The following SUSD4 variants were observed in gnomAD, a reference collection of about 807,000 sequenced individuals.
SUSD4 encodes the protein sushi domain-containing protein 4.
Under a neutral mutation model 50.5 loss-of-function variants are expected in SUSD4, and 41 were observed. That is an observed-to-expected ratio of 0.81 (90% CI 0.63 to 1.05). SUSD4 has a LOEUF of 1.05. SUSD4 is among the 50% of genes least tolerant of loss of function. SUSD4 has a pLI of 0.00. For missense variants in SUSD4, 580 were observed against 634.7 expected, an observed-to-expected ratio of 0.91 and a Z score of 0.93; for synonymous variants, 257 against 257.3, an observed-to-expected ratio of 1.00 and a Z score of 0.01.
Position 223,229,435 on chromosome 1 carries a change from T to A in SUSD4, c.725-47A>T, listed in dbSNP as rs376942555. ...AAAGTTTCAGAACCACAAGCTCACC[T>A]TTGTCTGAAGCCCCTAAGACGAAGA... On this transcript the variant is annotated intron_variant, in intron 5 of 8. Coordinates refer to ENST00000366878, the MANE Select transcript of SUSD4 (RefSeq NM_017982.4). This position sits in a 1 kb window ranked among gnomAD's most constrained non-coding sequence, Gnocchi z 4.7. 108 of 1,536,926 alleles carry A rather than the reference T, an allele frequency of 7.0e-5. No homozygotes were observed. The highest frequency in any genetic ancestry group is 9.5e-5 in the Non-Finnish European group (107 of 1,127,954).
chr1:223,292,376 C>A, intron 3 of SUSD4, 63 bp downstream of exon 3: 1 of 1,570,014 alleles, frequency 6.4e-7, no homozygotes, highest in South Asian at 1.1e-5. Flanking sequence ...CACAGCCCTG[C>A]ACCCCTGTGG....
intron 2 of SUSD4, among the ~76,000 whole-genome samples, chr1:223,305,349 T>A (rs1665470852): frequency 6.6e-6 from 1 of 152,090 alleles, no homozygotes; most frequent in South Asian, 2.1e-4. Flanking sequence ...CCCATGAGAC[T>A]AAGCAAAAGC....
At chr1:223,302,855 C>G (rs983112587) in intron 2 of SUSD4, among the ~76,000 whole-genome samples, 3 of 152,164 alleles carry the variant, frequency 2.0e-5, no homozygotes, top group African/African-American at 7.2e-5. Flanking sequence ...TACAGACACA[C>G]TGTGAAAATT....
At chr1:223,276,217 G>C (rs1194001053) in intron 3 of SUSD4, among the ~76,000 whole-genome samples, 1 of 152,192 alleles carries the variant, frequency 6.6e-6, no homozygotes, top group African/African-American at 2.4e-5. Flanking sequence ...TGGTGTTCAG[G>C]GTTGCTAACA....
intron 7 of SUSD4, among the ~76,000 whole-genome samples, chr1:223,224,605 C>T (rs1446647660): frequency 6.6e-6 from 1 of 152,226 alleles, no homozygotes; most frequent in Non-Finnish European, 1.5e-5. Context: ...AAGCAAGGCC[C>T]GGGTTGCTGG....
chr1:223,243,943 T>C (rs375112112), intron 5 of SUSD4, among the ~76,000 whole-genome samples: 1 of 152,272 alleles, frequency 6.6e-6, no homozygotes, highest in East Asian at 1.9e-4. Flanking sequence ...ATAGTAATTA[T>C]GTTCTTTCAC....
intron 2 of SUSD4, among the ~76,000 whole-genome samples, chr1:223,317,824 G>A (rs1666294811): frequency 7.6e-6 from 1 of 131,324 alleles, no homozygotes; most frequent in Admixed American, 7.9e-5. Context: ...GCTCGTCAAT[G>A]CTTGCCCTTC....
upstream of SUSD4, among the ~76,000 whole-genome samples, chr1:223,364,354 T>TGAGTGGGGGGGC (rs1558288955): frequency 5.3e-4 from 14 of 26,220 alleles, no homozygotes; most frequent in African/African-American, 2.0e-3. The surrounding 1 kb of genome is among the most constrained non-coding windows in gnomAD (Gnocchi z 4.5). Flanking sequence ...AGGGAGTGGG[T>TGAGTGGGGGGGC]GGGGACGGGG....
intron 3 of SUSD4, among the ~76,000 whole-genome samples, chr1:223,282,612 A>C (rs1663827235): frequency 6.6e-6 from 1 of 152,240 alleles, no homozygotes; most frequent in South Asian, 2.1e-4. Context: ...GTGGAAGAAC[A>C]TTCTATGCTC....
intron 2 of SUSD4, among the ~76,000 whole-genome samples, chr1:223,355,438 T>C (rs1668608642): frequency 2.6e-5 from 4 of 152,002 alleles, no homozygotes; most frequent in Admixed American, 2.6e-4. Flanking sequence ...AGGCTGGTCT[T>C]GAACTCCTGG....
intron 2 of SUSD4, among the ~76,000 whole-genome samples, chr1:223,346,298 C>T (rs1348310757): frequency 6.6e-6 from 1 of 152,010 alleles, no homozygotes; most frequent in Non-Finnish European, 1.5e-5. Flanking sequence ...AGTGGCTCGT[C>T]GATGGCCTCC....
chr1:223,270,014 A>T (rs575404243), intron 3 of SUSD4, among the ~76,000 whole-genome samples: 1 of 152,248 alleles, frequency 6.6e-6, no homozygotes, highest in Admixed American at 6.5e-5. Flanking sequence ...GGGCACATCC[A>T]GGAGCTAGGA....
At chr1:223,234,783 T>G in intron 5 of SUSD4, 1 of 811,728 alleles carries the variant, frequency 1.2e-6, no homozygotes, top group South Asian at 3.5e-5. Context: ...CAGTCCCACC[T>G]CTGAGATACA....
chr1:223,243,069 C>T (rs750802454), intron 5 of SUSD4, among the ~76,000 whole-genome samples: 1 of 152,092 alleles, frequency 6.6e-6, no homozygotes, highest in Non-Finnish European at 1.5e-5. Flanking sequence ...TGGCCAGATG[C>T]TCCCCATGAT....
chr1:223,264,745 C>G lies in SUSD4; in HGVS notation c.609G>C (p.Gly203=). Residue 203 remains glycine, a synonymous_variant, in exon 5 of 9, where the codon GGG becomes GGC. Coordinates refer to ENST00000366878, the MANE Select transcript of SUSD4 (RefSeq NM_017982.4). ...ISELQTSFPV[G]TVISYRCFPG... ...GAAAGCAGCGATAGGAGATCACAGT[C>G]CCCACCGGGAAGGAGGTCTGGAGCT... The G allele has an allele frequency of 6.2e-7, 1 of 1,614,178 alleles. No individual in the cohort carries two copies. Among genetic ancestry groups the G allele is most frequent in the Non-Finnish European group, 8.5e-7 (1 of 1,180,024 alleles).
At chr1:223,242,485 C>A (rs1363816232) in intron 5 of SUSD4, among the ~76,000 whole-genome samples, 2 of 152,288 alleles carry the variant, frequency 1.3e-5, no homozygotes, top group East Asian at 1.9e-4. Context: ...ACTGCCCCAC[C>A]CTTGCCATGC....
In SUSD4 at chr1:223,292,576, A is replaced by G; in HGVS notation, c.224T>C (p.Phe75Ser). ...AAATCGGGCTACAGAGCCTTCAAAG[A>G]AAACCCCTCCGCTGGGGGTCCTGAA... ...NGFRTPSGGV[F>S]FEGSVARFHC... is the part of the protein sequence containing the mutation. Residue 75 changes from phenylalanine to serine, a missense_variant, in exon 3 of 9, where the codon TTC (phenylalanine) becomes TCC (serine). Coordinates refer to ENST00000366878, the MANE Select transcript of SUSD4 (RefSeq NM_017982.4). 1 of 1,614,124 alleles carries G rather than the reference A, an allele frequency of 6.2e-7. No individual in the cohort carries two copies. The highest frequency in any genetic ancestry group is 8.5e-7 in the Non-Finnish European group (1 of 1,180,006).
At chr1:223,359,132 A>G in intron 2 of SUSD4, 1 of 471,090 alleles carries the variant, frequency 2.1e-6, no homozygotes, top group Non-Finnish European at 4.4e-6. Flanking sequence ...CTAGAAACAG[A>G]AAAAGGAAGA....
intron 5 of SUSD4, among the ~76,000 whole-genome samples, chr1:223,245,811 A>AC (rs144771384): frequency 0.038 from 5,794 of 152,248 alleles, 302 homozygotes; most frequent in African/African-American, 0.11. Flanking sequence ...CTCTGTTTCT[A>AC]AATAGGGCTT....
Sources: gnomAD v4.1 joint callset for allele counts (sites outside exome capture counted in the v4.1 genomes callset) on GRCh38, gnomAD v4.1.1 for gene constraint, Gnocchi (gnomAD v3.1) non-coding constraint, MANE v1.5 for transcripts, NCBI Gene and HGNC (gene_info 2026-07-23, HGNC 2026-07-21) for gene names.